KRT40: variants seen among roughly 807,000 people sequenced by gnomAD.
The protein encoded by KRT40 is keratin, type I cytoskeletal 40.
A neutral mutation model predicts 43.5 loss-of-function variants in KRT40; 47 were observed. The observed-to-expected ratio is 1.08, with a 90% CI of 0.86 to 1.38. The LOEUF (loss-of-function observed/expected upper bound fraction) is 1.38. Among genes scored for constraint, KRT40 ranks in the 40% most tolerant of loss-of-function variants. The probability of loss-of-function intolerance (pLI) is 0.00; values close to 1 mark genes in which losing one functional copy is unlikely to be tolerated. For missense variants in KRT40, 573 were observed against 523.6 expected (o/e 1.09, Z -0.92); for synonymous variants, 212 against 214.0 (o/e 0.99, Z 0.08).
rs1912324886 is a variant in KRT40, at chr17:40,984,018, T to C, written c.256A>G (p.Thr86Ala). ...TGCATCGTCTCCTTCTCATTGCTAG[T>C]GAACACCCCATCCTCACACCAGGCA... The part of the protein sequence containing the change: ...NCAWCEDGVF[T>A]SNEKETMQFL... The change falls in exon 1 of 7, where the codon ACT (threonine) becomes GCT (alanine). Residue 86 changes from threonine to alanine, a missense_variant. By Grantham distance (58) the Thr-to-Ala change is moderately conservative (BLOSUM62 0). Coordinates refer to ENST00000377755, the MANE Select transcript of KRT40 (RefSeq NM_001389244.1). The C allele has an allele frequency of 6.2e-7, 1 of 1,613,958 alleles. No homozygotes were observed. Among genetic ancestry groups the C allele is most frequent in the Non-Finnish European group, 8.5e-7 (1 of 1,180,028 alleles).
chr17:40,986,378 A>T (rs898091796), upstream of KRT40: 3 of 152,424 alleles, frequency 2.0e-5, no homozygotes, highest in Non-Finnish European at 4.4e-5. Context: ...CCTTCAGCTG[A>T]TAGAAAAATG....
Position 40,977,791 on chromosome 17 carries a change from T to A in KRT40, c.*406A>T, listed in dbSNP as rs1173291802. The A allele has an allele frequency of 1.3e-5, 2 of 154,508 alleles. No homozygotes were observed. The highest frequency in any genetic ancestry group is 1.4e-5 in the Non-Finnish European group (1 of 69,622). 9.6% of individuals were successfully genotyped at this position (154,508 alleles called of 1,614,324 possible). A position where few individuals can be genotyped will look rare whatever the true frequency, so the allele number is the denominator to read the frequency against. ...AACTATTTTCTAAGATATATGACAT[T>A]TCTCATGGGTTCATTAATTTATTTG... On this transcript the variant is annotated 3_prime_UTR_variant, in exon 7 of 7. Coordinates refer to ENST00000377755, the MANE Select transcript of KRT40 (RefSeq NM_001389244.1).
At chr17:40,981,344 A>G in intron 3 of KRT40, 193 bp from the exon 4 acceptor site, 2 of 1,027,890 alleles carry the variant, frequency 1.9e-6, no homozygotes, top group Non-Finnish European at 2.9e-6. Context: ...GGACATAATA[A>G]TTGGACATTT....
At position 40,983,826 on chromosome 17, in the gene KRT40, C is replaced by T. The variant is rs1912308876; in HGVS notation, c.447+1G>A. On this transcript the variant is annotated splice_donor_variant, in intron 1 of 6. Coordinates refer to ENST00000377755, the MANE Select transcript of KRT40 (RefSeq NM_001389244.1). LOFTEE classifies it high-confidence loss of function. ...GAGCACTAGGGCAACAGGACACAGA[C>T]CTTTTGTTGGAGATCTTCAATGGTG... is the stretch of plus-strand genomic sequence containing the variant. The T allele has an allele frequency of 6.2e-7, 1 of 1,612,776 alleles. No homozygotes were observed. The highest frequency in any genetic ancestry group is 8.5e-7 in the Non-Finnish European group (1 of 1,178,898).
chr17:40,979,651 T>C (rs1019356961), intron 5 of KRT40, among the ~76,000 whole-genome samples: 1 of 152,020 alleles, frequency 6.6e-6, no homozygotes, highest in African/African-American at 2.4e-5. Context: ...CCACAACATA[T>C]GAGAGGAAAG....
intron 6 of KRT40, 100 bp downstream of exon 6, chr17:40,978,704 T>G (rs1234876018): frequency 1.0e-5 from 10 of 964,374 alleles, no homozygotes; most frequent in South Asian, 1.5e-5. Flanking sequence ...CTAAACACAC[T>G]GGGGAGGTCT....
chr17:40,986,798 A>G (rs975093994), upstream of KRT40: 2 of 151,956 alleles, frequency 1.3e-5, no homozygotes, highest in Non-Finnish European at 1.5e-5. Flanking sequence ...ACCTTACAAC[A>G]TCCACCTAGG....
chr17:40,979,092 A>G, intron 5 of KRT40, 68 bp from the exon 6 acceptor site: 1 of 1,234,740 alleles, frequency 8.1e-7, no homozygotes. Flanking sequence ...CCTACTTTCA[A>G]ATTCCTGCTT....
At position 40,983,889 on chromosome 17, in the gene KRT40, T is replaced by G; in HGVS notation, c.385A>C (p.Ile129Leu). Reference sequence around the variant, plus strand: ...TGATAATCCGGGCACACCATTGGGATATCCTGTTCACATTGTTCTTGGATC... The same window carrying G: ...TGATAATCCGGGCACACCATTGGGAGATCCTGTTCACATTGTTCTTGGATC... ...SRIQEQCEQDIPMVCPDYQRY... is the reference protein window; with the variant it reads ...SRIQEQCEQDLPMVCPDYQRY... The change falls in exon 1 of 7, where the codon ATC (isoleucine) becomes CTC (leucine). Residue 129 changes from isoleucine to leucine, a missense_variant. Coordinates refer to ENST00000377755, the MANE Select transcript of KRT40 (RefSeq NM_001389244.1). 1 of 1,614,198 alleles carries G rather than the reference T, an allele frequency of 6.2e-7. No homozygotes were observed. Among genetic ancestry groups the G allele is most frequent in the Non-Finnish European group, 8.5e-7 (1 of 1,180,030 alleles).
At chr17:40,986,529 C>T (rs1912474906), upstream of KRT40, among the ~76,000 whole-genome samples, 1 of 152,200 alleles carries the variant, frequency 6.6e-6, no homozygotes, top group Non-Finnish European at 1.5e-5. Flanking sequence ...CTGCCCATTG[C>T]TTCCTTGCAA....
upstream of KRT40, among the ~76,000 whole-genome samples, chr17:40,986,058 T>C (rs1285847099): frequency 3.3e-5 from 5 of 152,242 alleles, no homozygotes; most frequent in East Asian, 9.6e-4. Flanking sequence ...GGTAGTGTTG[T>C]ATAATGATCT....
upstream of KRT40, among the ~76,000 whole-genome samples, chr17:40,985,071 A>C (rs1912403738): frequency 6.6e-6 from 1 of 152,224 alleles, no homozygotes; most frequent in Non-Finnish European, 1.5e-5. Context: ...ATTCCTAATA[A>C]GAGTGAAATA....
At chr17:40,982,955 C>T in intron 2 of KRT40, 91 bp downstream of exon 2, 1 of 601,892 alleles carries the variant, frequency 1.7e-6, no homozygotes, top group Non-Finnish European at 2.9e-6. Flanking sequence ...TTGCAGTGAG[C>T]TGAGATAGCA....
At chr17:40,984,953 A>G (rs1232080554), upstream of KRT40, among the ~76,000 whole-genome samples, 1 of 152,182 alleles carries the variant, frequency 6.6e-6, no homozygotes, top group Non-Finnish European at 1.5e-5. Flanking sequence ...TCTGCAGGCT[A>G]AAATATAAAT....
rs1160117870 is a variant in KRT40, at chr17:40,978,793, G to A, written c.1196+11C>T. On this transcript the variant is annotated intron_variant, in intron 6 of 6. Transcript: ENST00000377755. Reference sequence around the variant, plus strand: ...ACTCTGGGGGATTTCATGAGTAACTGTGGAACTTGCCTGCTGTCCTCGCTG... The same window carrying A: ...ACTCTGGGGGATTTCATGAGTAACTATGGAACTTGCCTGCTGTCCTCGCTG... The A allele has an allele frequency of 6.2e-7, 1 of 1,605,938 alleles. No individual in the cohort carries two copies. Among genetic ancestry groups the A allele is most frequent in the East Asian group, 2.2e-5 (1 of 44,844 alleles).
In KRT40 at chr17:40,980,798, G is replaced by A; in HGVS notation, c.962C>T (p.Ala321Val). Residue 321 changes from alanine to valine, a missense_variant, in exon 5 of 7, where the codon GCA (alanine) becomes GTA (valine). Coordinates refer to ENST00000377755, the MANE Select transcript of KRT40 (RefSeq NM_001389244.1). ...TASALEIELQ[A>V]QQSLTESLEC... ...TGCCTCACGCACCAGGCTTTGCTGT[G>A]CTTGGAGCTCAATTTCCAGAGCACT... The A allele has an allele frequency of 6.2e-7, 1 of 1,606,674 alleles. No individual in the cohort carries two copies.
Position 40,983,951 on chromosome 17 carries a change from C to T in KRT40, c.323G>A (p.Arg108His), listed in dbSNP as rs140634473. The change falls in exon 1 of 7, where the codon CGC becomes CAC. Residue 108 changes from arginine to histidine, a missense_variant. Coordinates refer to ENST00000377755, the MANE Select transcript of KRT40 (RefSeq NM_001389244.1). ...DRLASYLEKVRSLEETNAELE... is the reference protein window; with the variant it reads ...DRLASYLEKVHSLEETNAELE... ...CTCTGCGTTGGTCTCCTCCAGGCTG[C>T]GCACCTTCTCCAGATAGCTGGCGAG... 14,634 of 1,614,064 alleles carry T rather than the reference C, an allele frequency of 9.1e-3. 75 individuals carry two copies. The highest frequency in any genetic ancestry group is 0.011 in the Non-Finnish European group (12,866 of 1,180,014).
intron 5 of KRT40, among the ~76,000 whole-genome samples, chr17:40,979,273 T>A (rs1299464699): frequency 6.6e-6 from 1 of 152,106 alleles, no homozygotes; most frequent in African/African-American, 2.4e-5. Context: ...CCCAGCACTT[T>A]GGGAGGCCGA....
intron 3 of KRT40, 51 bp downstream of exon 3, chr17:40,982,256 T>C: frequency 2.8e-6 from 4 of 1,432,524 alleles, no homozygotes; most frequent in Non-Finnish European, 3.7e-6. Flanking sequence ...CATCTGTCAA[T>C]GTAAGTACGT....
Sources: gnomAD v4.1 joint callset for allele counts (sites outside exome capture counted in the v4.1 genomes callset) on GRCh38, gnomAD v4.1.1 for gene constraint, MANE v1.5 for transcripts, NCBI Gene and HGNC (gene_info 2026-07-23, HGNC 2026-07-21) for gene names.